Variants in PCDHGA11 observed in about 807,000 individuals in gnomAD.
The protein encoded by PCDHGA11 is protocadherin gamma subfamily A, 11, also known as protocadherin gamma-A11.
Under a neutral mutation model 60.4 loss-of-function variants are expected in PCDHGA11, and 39 were observed. The observed-to-expected ratio is 0.65, with a 90% CI of 0.50 to 0.84. The LOEUF (loss-of-function observed/expected upper bound fraction) is 0.84, where lower values mean the gene tolerates loss of function less well. Among genes scored for constraint, PCDHGA11 ranks in the 40% least tolerant of loss-of-function variants. PCDHGA11 has a pLI of 0.00. For missense variants in PCDHGA11, 1,165 were observed against 1,197.7 expected, an observed-to-expected ratio of 0.97 and a Z score of 0.40; for synonymous variants, 533 against 510.3, an observed-to-expected ratio of 1.04 and a Z score of -0.60.
At chr5:141,436,331 T>A (rs919524287) in intron 1 of PCDHGA11, among the ~76,000 whole-genome samples, 1 of 152,198 alleles carries the variant, frequency 6.6e-6, no homozygotes, top group Non-Finnish European at 1.5e-5. Flanking sequence ...TTAGACCATA[T>A]CTCAAATATC....
chr5:141,427,805 A>G lies in PCDHGA11; in HGVS notation c.2433+4145A>G, dbSNP rs1010656936. The G allele has an allele frequency of 3.3e-6, 5 of 1,520,154 alleles. No homozygotes were observed. In the African/African-American group the frequency reaches 4.1e-5, roughly 12 times the overall value. 94.2% of individuals were successfully genotyped at this position (1,520,154 alleles called of 1,614,324 possible). ...TGTCGTCCTACGTGTCCGTGAGCGC[A>G]CAGAGCGGGGTGGTGGTCGCGCAGC... On this transcript the variant is annotated intron_variant, in intron 1 of 3. Coordinates refer to ENST00000398587, the MANE Select transcript of PCDHGA11 (RefSeq NM_018914.3).
chr5:141,510,239 C>T (rs2099880022), intron 3 of PCDHGA11, among the ~76,000 whole-genome samples: 1 of 150,434 alleles, frequency 6.6e-6, no homozygotes, highest in Non-Finnish European at 1.5e-5. Flanking sequence ...CGCCACTGCA[C>T]TCCAGGCTGG....
chr5:141,422,032 G>A lies in PCDHGA11; in HGVS notation c.805G>A (p.Asp269Asn). 6.2e-7 allele frequency: 1 copy of A among 1,611,280 alleles called. No individual in the cohort carries two copies. Among genetic ancestry groups the A allele is most frequent in the Non-Finnish European group, 8.5e-7 (1 of 1,179,044 alleles). ...TCGGGTGCTGATGGTTAATGCAACG[G>A]ATCCAGACGAGGGAATCAACGGGGA... ...GTRVLMVNATDPDEGINGEVM... is the reference protein window; with the variant it reads ...GTRVLMVNATNPDEGINGEVM... Residue 269 changes from aspartate (D) to asparagine (N), a missense_variant, in exon 1 of 4, where the codon GAT (aspartate) becomes AAT (asparagine). Coordinates refer to ENST00000398587, the MANE Select transcript of PCDHGA11 (RefSeq NM_018914.3).
chr5:141,432,537 C>T lies in PCDHGA11; in HGVS notation c.2433+8877C>T, dbSNP rs367578838. Reference sequence around the variant, plus strand: ...GGCTACCTGGTGACCAAGGTGGTGGCGGTGGACAGAGACTCCGGCCAGAAC... The same window carrying T: ...GGCTACCTGGTGACCAAGGTGGTGGTGGTGGACAGAGACTCCGGCCAGAAC... On this transcript the variant is annotated intron_variant, in intron 1 of 3. Transcript: ENST00000398587. This position sits in a 1 kb window ranked among gnomAD's most constrained non-coding sequence, Gnocchi z 6.0. The T allele has an allele frequency of 5.6e-6, 9 of 1,613,882 alleles. No homozygotes were observed. The African/African-American group carries it at 6.7e-5, about 12-fold the overall frequency.
rs11410533 is a variant in PCDHGA11, at chr5:141,429,387, TA to T, written c.2433+5735del. ...AAATGGAGAAAATGTGTTTTTTTTT[TA>T]AAAAAAATTGAGATTAAGGTCTCAT... On this transcript the variant is annotated intron_variant, in intron 1 of 3. Transcript: ENST00000398587. Among the ~76,000 whole-genome samples, 10 of 151,446 alleles carry T rather than the reference TA, an allele frequency of 6.6e-5. No individual in the cohort carries two copies. In the South Asian group the frequency reaches 1.0e-3, roughly 16 times the overall value.
At position 141,468,868 on chromosome 5, in the gene PCDHGA11, A is replaced by AAAT. The variant is rs993655754; in HGVS notation, c.2434-25921_2434-25919dup. Among the ~76,000 whole-genome samples, 30 of 151,912 alleles carry AAAT rather than the reference A, an allele frequency of 2.0e-4. No homozygotes were observed. The East Asian group carries it at 4.3e-3, about 22-fold the overall frequency. On this transcript the variant is annotated intron_variant, in intron 1 of 3. Coordinates refer to ENST00000398587, the MANE Select transcript of PCDHGA11 (RefSeq NM_018914.3). ...GCAACAGAGCGAGACTCCATCTCAAAAATAATAATAATAATAATAAGGTAC... is the reference window on the plus strand; with the variant it reads ...GCAACAGAGCGAGACTCCATCTCAAAAATAATAATAATAATAATAATAAGGTAC...
Position 141,491,755 on chromosome 5 carries a change from G to A in PCDHGA11, c.2434-3052G>A. On this transcript the variant is annotated intron_variant, in intron 1 of 3. Transcript: ENST00000398587. This position sits in a 1 kb window ranked among gnomAD's most constrained non-coding sequence, Gnocchi z 6.9. Reference sequence around the variant, plus strand: ...CCCTGGGGGCGGCACTGGAGAAGCCGCCCGTCCTCATAAGGGATTGAACTT... The same window carrying A: ...CCCTGGGGGCGGCACTGGAGAAGCCACCCGTCCTCATAAGGGATTGAACTT... 6 of 1,582,196 alleles carry A rather than the reference G, an allele frequency of 3.8e-6. No individual in the cohort carries two copies. The highest frequency in any genetic ancestry group is 5.1e-6 in the Non-Finnish European group (6 of 1,165,450).
At chr5:141,455,661 T>TG (rs2098828692) in intron 1 of PCDHGA11, among the ~76,000 whole-genome samples, 1 of 152,024 alleles carries the variant, frequency 6.6e-6, no homozygotes, top group South Asian at 2.1e-4. Context: ...CAGGAACTTG[T>TG]GGGGCAAGGG....
At chr5:141,503,554 G>A (rs1395044357) in intron 2 of PCDHGA11, among the ~76,000 whole-genome samples, 11 of 149,146 alleles carry the variant, frequency 7.4e-5, no homozygotes, top group East Asian at 3.9e-4. Flanking sequence ...AGCCGAGATC[G>A]CGCCACTGTA....
intron 1 of PCDHGA11, among the ~76,000 whole-genome samples, chr5:141,429,386 T>TA (rs1561841076): frequency 9.9e-5 from 15 of 151,936 alleles, no homozygotes; most frequent in South Asian, 8.3e-4. Flanking sequence ...TGTTTTTTTT[T>TA]TAAAAAAAAT....
chr5:141,434,449 G>C (rs1392115883), intron 1 of PCDHGA11, among the ~76,000 whole-genome samples: 1 of 152,232 alleles, frequency 6.6e-6, no homozygotes, highest in Non-Finnish European at 1.5e-5. Context: ...ATGCTGGAAG[G>C]TAGTGGGTTT....
intron 1 of PCDHGA11, chr5:141,430,546 G>A (rs1323295073): frequency 2.5e-6 from 1 of 402,156 alleles, no homozygotes; most frequent in Non-Finnish European, 4.4e-6. Context: ...GAGCGCCGCT[G>A]TTCACCAATC....
intron 1 of PCDHGA11, 96 bp downstream of exon 1, chr5:141,423,756 GGGGGT>G: frequency 1.1e-5 from 5 of 448,566 alleles, no homozygotes; most frequent in African/African-American, 2.8e-5. Context: ...TGTTTGGGGG[GGGGGT>G]GGGGCGGCAT....
rs529966095 is a variant in PCDHGA11 at position 141,499,776 on chromosome 5, TC to T, written c.2492+4914del. 3.7e-3 allele frequency among the ~76,000 whole-genome samples: 528 copies of T among 141,410 alleles called. 6 individuals carry two copies. Among genetic ancestry groups the T allele is most frequent in the Non-Finnish European group, 4.2e-3 (282 of 66,550 alleles). The allele number at this position is 141,410 out of a possible 152,430, so 92.8% of individuals were successfully genotyped here. ...ATCTCAGCTCACTGCAGCCTTCGCCTCCCGGGTTCAAGCAATTCTCATGCTT... is the reference window on the plus strand; with the variant it reads ...ATCTCAGCTCACTGCAGCCTTCGCCTCCGGGTTCAAGCAATTCTCATGCTT... On this transcript the variant is annotated intron_variant, in intron 2 of 3. Coordinates refer to ENST00000398587, the MANE Select transcript of PCDHGA11 (RefSeq NM_018914.3).
chr5:141,491,794 TCCGG>T lies in PCDHGA11; in HGVS notation c.2434-3007_2434-3004del. The T allele has an allele frequency of 6.6e-7, 1 of 1,511,056 alleles. No homozygotes were observed. The highest frequency in any genetic ancestry group is 8.8e-7 in the Non-Finnish European group (1 of 1,130,146). 93.6% of individuals were successfully genotyped at this position (1,511,056 alleles called of 1,614,324 possible). A position where few individuals can be genotyped will look rare whatever the true frequency, so the allele number is the denominator to read the frequency against. Reference sequence around the variant, plus strand: ...GGGATTGAACTTGCATCCACTCCTCTCCGGCCGGCTTGGTCGCTGGCTGCGCTCC... The same window carrying T: ...GGGATTGAACTTGCATCCACTCCTCTCCGGCTTGGTCGCTGGCTGCGCTCC... On this transcript the variant is annotated intron_variant, in intron 1 of 3. Transcript: ENST00000398587. The surrounding 1 kb of genome is among the most constrained non-coding windows in gnomAD (Gnocchi z 6.9).
chr5:141,507,012 G>A (rs2099857902), intron 3 of PCDHGA11: 1 of 152,208 alleles, frequency 6.6e-6, no homozygotes, highest in Admixed American at 6.5e-5. Flanking sequence ...AGAGAACCGA[G>A]AAGGCACTTG....
At chr5:141,478,295 T>C (rs1210224121) in intron 1 of PCDHGA11, 5 of 1,614,004 alleles carry the variant, frequency 3.1e-6, no homozygotes, top group African/African-American at 2.7e-5. Flanking sequence ...TAGAGACCTA[T>C]ACCGAGCCCC....
Position 141,431,260 on chromosome 5 carries a change from G to C in PCDHGA11, c.2433+7600G>C, listed in dbSNP as rs762250032. On this transcript the variant is annotated intron_variant, in intron 1 of 3. Coordinates refer to ENST00000398587, the MANE Select transcript of PCDHGA11 (RefSeq NM_018914.3). The surrounding 1 kb of genome is among the most constrained non-coding windows in gnomAD (Gnocchi z 4.8). The stretch of plus-strand genomic sequence containing the variant: ...ATCCGGATATCGGGAAGAACTCTCT[G>C]CAGAGCTACGAGCTCAGCCCGAACA... 6.2e-7 allele frequency: 1 copy of C among 1,614,170 alleles called. No homozygotes were observed. Among genetic ancestry groups the C allele is most frequent in the Non-Finnish European group, 8.5e-7 (1 of 1,180,052 alleles).
Position 141,432,938 on chromosome 5 carries a change from G to C in PCDHGA11, c.2433+9278G>C. ...CTGGCACAAGTCACGCCTGCTGCAG[G>C]CTTCAGGAGGCGGCTTGACAGGAGC... On this transcript the variant is annotated intron_variant, in intron 1 of 3. Transcript: ENST00000398587. The surrounding 1 kb of genome is among the most constrained non-coding windows in gnomAD (Gnocchi z 6.0). 2 of 1,614,192 alleles carry C rather than the reference G, an allele frequency of 1.2e-6. No homozygotes were observed. Among genetic ancestry groups the C allele is most frequent in the South Asian group, 2.2e-5 (2 of 91,086 alleles).
Sources: gnomAD v4.1 joint callset for allele counts (sites outside exome capture counted in the v4.1 genomes callset) on GRCh38, gnomAD v4.1.1 for gene constraint, Gnocchi (gnomAD v3.1) non-coding constraint, MANE v1.5 for transcripts, NCBI Gene and HGNC (gene_info 2026-07-23, HGNC 2026-07-21) for gene names.